BMP5: variants seen among roughly 807,000 people sequenced by gnomAD.
The protein encoded by BMP5 is bone morphogenetic protein 5.
In BMP5, 23 loss-of-function variants were observed where a neutral mutation model predicts 46.6. The ratio of observed to expected loss-of-function variants is 0.49; its 90% confidence interval spans 0.35 to 0.70. The LOEUF is 0.70. BMP5 is among the 30% of genes least tolerant of loss of function. The pLI, the probability that BMP5 is intolerant of heterozygous loss-of-function variation, is 0.00. For synonymous variants in BMP5, 204 were observed against 191.9 expected (o/e 1.06, Z -0.52); for missense variants, 545 against 565.6 (o/e 0.96, Z 0.37).
chr6:55,853,174 A>C (rs1370597253), intron 1 of BMP5, among the ~76,000 whole-genome samples: 1 of 108,382 alleles, frequency 9.2e-6, no homozygotes, highest in Middle Eastern at 4.1e-3. Context: ...AAATAAAATA[A>C]AATAAAATAA....
chr6:55,774,152 A>C lies in BMP5; in HGVS notation c.924T>G (p.Ser308Arg), dbSNP rs201300716. Residue 308 changes from serine (S) to arginine (R), a missense_variant, in exon 4 of 7, where the codon AGT becomes AGG. Coordinates refer to ENST00000370830, the MANE Select transcript of BMP5 (RefSeq NM_021073.4). ...CTCTCACGGATCGAAGAAGTACCTC[A>C]CTCGCCTTGAAGAAGGCCACCATGA... ...QPFMVAFFKA[S>R]EVLLRSVRAA... 2.2e-4 allele frequency: 352 copies of C among 1,612,848 alleles called. No individual in the cohort carries two copies. The highest frequency in any genetic ancestry group is 2.9e-4 in the Non-Finnish European group (342 of 1,179,416).
chr6:55,850,375 TA>T lies in BMP5; in HGVS notation c.490+24000del, dbSNP rs140838181. ...GTAGGTAGATAGATAGATAGATAGA[TA>T]GATAGATAGATAGATAGATCGATAG... On this transcript the variant is annotated intron_variant, in intron 1 of 6. Coordinates refer to ENST00000370830, the MANE Select transcript of BMP5 (RefSeq NM_021073.4). Among the ~76,000 whole-genome samples the T allele has an allele frequency of 9.2e-3, 1,324 of 144,020 alleles. 21 individuals are homozygous for T. The highest frequency in any genetic ancestry group is 0.037 in the African/African-American group (1,249 of 34,024). The allele number at this position is 144,020 out of a possible 152,430, so 94.5% of individuals were successfully genotyped here.
chr6:55,761,309 C>T (rs1774770619), intron 4 of BMP5, among the ~76,000 whole-genome samples: 1 of 151,990 alleles, frequency 6.6e-6, no homozygotes, highest in African/African-American at 2.4e-5. Flanking sequence ...CTGCTTCTGC[C>T]CTTGCTCCTC....
At chr6:55,799,353 T>C (rs776630868) in intron 2 of BMP5, among the ~76,000 whole-genome samples, 1 of 152,034 alleles carries the variant, frequency 6.6e-6, no homozygotes, top group Non-Finnish European at 1.5e-5. Flanking sequence ...ATAACCTCTA[T>C]CAGTGTTAAT....
At chr6:55,765,069 T>C (rs549619011) in intron 4 of BMP5, among the ~76,000 whole-genome samples, 1 of 152,140 alleles carries the variant, frequency 6.6e-6, no homozygotes, top group Non-Finnish European at 1.5e-5. Context: ...ATGTACCCCA[T>C]GAATATGTAT....
rs577669613 is a variant in BMP5, at chr6:55,834,930, C to CA, written c.491-15084dup. Reference sequence around the variant, plus strand: ...TCCATGTCTGTACTAAAAATTAAAACAAAAAAATAGCTGGGCATGGTGGCA... The same window carrying CA: ...TCCATGTCTGTACTAAAAATTAAAACAAAAAAAATAGCTGGGCATGGTGGCA... On this transcript the variant is annotated intron_variant, in intron 1 of 6. Coordinates refer to ENST00000370830, the MANE Select transcript of BMP5 (RefSeq NM_021073.4). 1.4e-3 allele frequency among the ~76,000 whole-genome samples: 213 copies of CA among 151,804 alleles called. 1 individual carries two copies. The highest frequency in any genetic ancestry group is 2.2e-3 in the Non-Finnish European group (149 of 67,864).
chr6:55,854,955 T>A (rs1777349752), intron 1 of BMP5, among the ~76,000 whole-genome samples: 1 of 152,094 alleles, frequency 6.6e-6, no homozygotes. Context: ...ACTATGCAGT[T>A]TTTCATATTT....
At chr6:55,765,222 C>T (rs927246485) in intron 4 of BMP5, among the ~76,000 whole-genome samples, 2 of 151,748 alleles carry the variant, frequency 1.3e-5, no homozygotes, top group African/African-American at 4.8e-5. Flanking sequence ...GGCCAAAAAC[C>T]TTCATATACC....
intron 4 of BMP5, among the ~76,000 whole-genome samples, chr6:55,764,372 C>G (rs112082770): frequency 0.074 from 11,180 of 152,024 alleles, 474 homozygotes; most frequent in South Asian, 0.12. Flanking sequence ...AGAAGATCGA[C>G]ACCATTCTGG....
At chr6:55,867,875 T>G (rs1777689620) in intron 1 of BMP5, among the ~76,000 whole-genome samples, 1 of 152,174 alleles carries the variant, frequency 6.6e-6, no homozygotes, top group Non-Finnish European at 1.5e-5. Flanking sequence ...CTAGTAAGCG[T>G]GGAATATGGG....
intron 6 of BMP5, among the ~76,000 whole-genome samples, chr6:55,756,597 G>A (rs191971557): frequency 1.6e-4 from 25 of 151,890 alleles, no homozygotes; most frequent in South Asian, 8.3e-4. Context: ...TGAGTCTTAC[G>A]GGATCCACAA....
In BMP5 at chr6:55,807,032, T is replaced by C. The variant is rs1006909565; in HGVS notation, c.684-12605A>G. Reference sequence around the variant, plus strand: ...ATCTGCAAACAGAGACAATTTGACCTCCTCTCTTCCTATCTGAATACCCTT... The same window carrying C: ...ATCTGCAAACAGAGACAATTTGACCCCCTCTCTTCCTATCTGAATACCCTT... On this transcript the variant is annotated intron_variant, in intron 2 of 6. Transcript: ENST00000370830. 3.9e-5 allele frequency among the ~76,000 whole-genome samples: 6 copies of C among 152,166 alleles called. No individual in the cohort carries two copies. In the South Asian group the frequency reaches 1.2e-3, roughly 31 times the overall value.
chr6:55,864,201 C>T (rs1233085232), intron 1 of BMP5, among the ~76,000 whole-genome samples: 1 of 152,028 alleles, frequency 6.6e-6, no homozygotes, highest in East Asian at 1.9e-4. Flanking sequence ...TTAATAACTA[C>T]CCATCACAAT....
At chr6:55,758,364 T>C (rs1361019786) in intron 6 of BMP5, among the ~76,000 whole-genome samples, 5 of 151,824 alleles carry the variant, frequency 3.3e-5, no homozygotes, top group Admixed American at 6.6e-5. Flanking sequence ...CATGAGCTCA[T>C]TAGGTACAAG....
chr6:55,759,206 A>C (rs925850772), intron 5 of BMP5, 91 bp from the exon 6 acceptor site: 2 of 812,868 alleles, frequency 2.5e-6, no homozygotes, highest in African/African-American at 3.6e-5. Flanking sequence ...ATATCACCAA[A>C]GTAAAAATTT....
intron 2 of BMP5, among the ~76,000 whole-genome samples, chr6:55,797,604 ATTTTC>A (rs933561465): frequency 1.5e-4 from 20 of 134,378 alleles, no homozygotes; most frequent in African/African-American, 5.3e-4. Flanking sequence ...GTTTGTGATT[ATTTTC>A]TTTTCTTTTT....
chr6:55,805,282 C>T (rs932880776), intron 2 of BMP5, among the ~76,000 whole-genome samples: 1 of 152,004 alleles, frequency 6.6e-6, no homozygotes, highest in Non-Finnish European at 1.5e-5. Flanking sequence ...AGTGCATAAC[C>T]TGTAGGTTTG....
intron 3 of BMP5, among the ~76,000 whole-genome samples, chr6:55,777,624 T>C (rs1775207332): frequency 6.6e-6 from 1 of 151,988 alleles, no homozygotes; most frequent in Admixed American, 6.6e-5. Context: ...CATCCAGGCA[T>C]AGCTAGAACA....
intron 4 of BMP5, among the ~76,000 whole-genome samples, chr6:55,767,610 C>T (rs1413818297): frequency 1.1e-4 from 17 of 151,868 alleles, no homozygotes; most frequent in Admixed American, 1.1e-3. Flanking sequence ...TAACGACATA[C>T]TATATGCATC....
Sources: allele counts gnomAD v4.1 joint callset (sites outside exome capture counted in the v4.1 genomes callset), GRCh38; gene constraint gnomAD v4.1.1; transcripts MANE v1.5; gene names NCBI Gene and HGNC (gene_info 2026-07-23, HGNC 2026-07-21).